MYT1L: variants seen among roughly 807,000 people sequenced by gnomAD.
MYT1L encodes myelin transcription factor 1-like protein.
MYT1L carries 12 observed loss-of-function variants against 126.7 expected under a neutral mutation model. The observed-to-expected ratio is 0.09, with a 90% CI of 0.06 to 0.15. MYT1L has a LOEUF of 0.15. MYT1L is among the 10% of genes least tolerant of loss of function. The pLI is 1.00. For missense variants in MYT1L, 979 were observed against 1,585.2 expected (o/e 0.62, Z 6.49); for synonymous variants, 541 against 604.2 (o/e 0.90, Z 1.53).
chr2:1,870,489 T>C lies in MYT1L; in HGVS notation c.2711+16050A>G, dbSNP rs1242953864. Among the ~76,000 whole-genome samples, 3 of 152,188 alleles carry C rather than the reference T, an allele frequency of 2.0e-5. No individual in the cohort carries two copies. In the East Asian group the frequency reaches 5.8e-4, roughly 29 times the overall value. The stretch of plus-strand genomic sequence containing the variant: ...CCATAGAGGGTCGGTCTGCTGGCAC[T>C]AGGAGCTTGTGGAAATGGCCCAGTC... On this transcript the variant is annotated intron_variant, in intron 18 of 24. Transcript: ENST00000647738.
intron 5 of MYT1L, among the ~76,000 whole-genome samples, chr2:1,983,517 C>T (rs535973605): frequency 2.6e-5 from 4 of 152,332 alleles, no homozygotes; most frequent in African/African-American, 9.6e-5. Context: ...CTAATGTGTG[C>T]ACCTGATGGT....
chr2:1,911,286 G>C (rs147279818), intron 12 of MYT1L, among the ~76,000 whole-genome samples: 8 of 152,104 alleles, frequency 5.3e-5, no homozygotes, highest in Admixed American at 2.0e-4. Context: ...AGTGAAGCTT[G>C]TAACAGTTTC....
In MYT1L at chr2:2,155,907, A is replaced by G. The variant is rs191822299; in HGVS notation, c.-304+16965T>C. On this transcript the variant is annotated intron_variant, in intron 3 of 24. Transcript: ENST00000647738. ...CATGATTTGCTGTGTGTGCAACTCC[A>G]ACCCTGTGATTCACCTCGCTAAGCC... Among the ~76,000 whole-genome samples, 376 of 152,256 alleles carry G rather than the reference A, an allele frequency of 2.5e-3. 3 individuals carry two copies. Among genetic ancestry groups the G allele is most frequent in the African/African-American group, 8.6e-3 (356 of 41,552 alleles).
chr2:1,960,986 C>A (rs2058916217), intron 8 of MYT1L, among the ~76,000 whole-genome samples: 1 of 152,252 alleles, frequency 6.6e-6, no homozygotes, highest in Non-Finnish European at 1.5e-5. Flanking sequence ...AGGCAGGGAG[C>A]CATCTCCTTG....
chr2:2,107,735 T>C (rs1192226387), intron 3 of MYT1L, among the ~76,000 whole-genome samples: 1 of 152,170 alleles, frequency 6.6e-6, no homozygotes, highest in Non-Finnish European at 1.5e-5. Flanking sequence ...TTTAATTTGT[T>C]GCTAGTTTAG....
At chr2:2,045,951 C>T (rs2068128101) in intron 4 of MYT1L, among the ~76,000 whole-genome samples, 1 of 152,136 alleles carries the variant, frequency 6.6e-6, no homozygotes, top group African/African-American at 2.4e-5. Flanking sequence ...GCTGTGGGGT[C>T]CTTAGCTCCT....
Position 1,943,299 on chromosome 2 carries a change from G to A in MYT1L, c.188C>T (p.Thr63Ile), listed in dbSNP as rs763314472. The A allele has an allele frequency of 7.0e-6, 11 of 1,572,320 alleles. No homozygotes were observed. In the Admixed American group the frequency reaches 2.1e-4, roughly 29 times the overall value. ...AGGTTCCTGGGGCTGTTTATCTTGT[G>A]TTTTTCTTTTTTTCGCCAAGGGACA... ...YGCPLAKKRK[T>I]QDKQPQEPAP... Residue 63 changes from threonine (T) to isoleucine (I), a missense_variant, in exon 9 of 25, where the codon ACA becomes ATA. By Grantham distance (89) the Thr-to-Ile change is moderately conservative. Coordinates refer to ENST00000647738, the MANE Select transcript of MYT1L (RefSeq NM_001303052.2). This position sits in a 1 kb window ranked among gnomAD's most constrained non-coding sequence, Gnocchi z 4.4.
intron 21 of MYT1L, among the ~76,000 whole-genome samples, chr2:1,817,397 CCA>C (rs1383215671): frequency 2.0e-5 from 3 of 152,196 alleles, no homozygotes; most frequent in Admixed American, 1.3e-4. Context: ...CCGGCTTTGC[CCA>C]CAGTCTCACG....
intron 2 of MYT1L, among the ~76,000 whole-genome samples, chr2:2,184,954 C>T (rs182863256): frequency 6.6e-6 from 1 of 152,288 alleles, no homozygotes; most frequent in African/African-American, 2.4e-5. Context: ...GGGTAAGCTT[C>T]GCCACCTCTC....
intron 2 of MYT1L, among the ~76,000 whole-genome samples, chr2:2,196,747 A>T (rs777010962): frequency 1.3e-5 from 2 of 151,978 alleles, no homozygotes; most frequent in Non-Finnish European, 2.9e-5. Flanking sequence ...AAAGTTATAG[A>T]CAGAATAAAG....
chr2:2,153,180 T>C (rs1056439420), intron 3 of MYT1L, among the ~76,000 whole-genome samples: 7 of 152,030 alleles, frequency 4.6e-5, no homozygotes, highest in African/African-American at 1.7e-4. Flanking sequence ...GTGCCTATAG[T>C]CCCAGCTGCT....
At chr2:2,169,570 C>G (rs1003608481) in intron 3 of MYT1L, among the ~76,000 whole-genome samples, 2 of 152,114 alleles carry the variant, frequency 1.3e-5, no homozygotes, top group African/African-American at 4.8e-5. Context: ...GCATACAGTC[C>G]CCTGCAACCG....
chr2:1,873,111 G>A (rs1037198384), intron 18 of MYT1L, among the ~76,000 whole-genome samples: 8 of 152,110 alleles, frequency 5.3e-5, no homozygotes, highest in Non-Finnish European at 1.0e-4. Context: ...GAGAGGGTCC[G>A]CTCTCCAGGG....
intron 2 of MYT1L, among the ~76,000 whole-genome samples, chr2:2,177,289 C>A (rs1385948605): frequency 6.6e-6 from 1 of 152,202 alleles, no homozygotes; most frequent in Admixed American, 6.5e-5. Flanking sequence ...TGCATAGATA[C>A]CTGCATAAAA....
rs1228778090 is a variant in MYT1L, at chr2:2,054,007, T to C, written c.-187A>G. On this transcript the variant is annotated 5_prime_UTR_variant, in exon 4 of 25. Transcript: ENST00000647738. ...AGGTGGCTCCTCGGATATCCATACGTCTGTGAGACCAACTGGAACCTTTCT... is the reference window on the plus strand; with the variant it reads ...AGGTGGCTCCTCGGATATCCATACGCCTGTGAGACCAACTGGAACCTTTCT... 2.0e-5 allele frequency: 3 copies of C among 152,690 alleles called. No individual in the cohort carries two copies. 9.5% of individuals were successfully genotyped at this position (152,690 alleles called of 1,614,324 possible). A position where few individuals can be genotyped will look rare whatever the true frequency, so the allele number is the denominator to read the frequency against.
chr2:1,820,465 G>C (rs1283787385), intron 21 of MYT1L, among the ~76,000 whole-genome samples: 1 of 152,176 alleles, frequency 6.6e-6, no homozygotes, highest in Non-Finnish European at 1.5e-5. Flanking sequence ...GCATCCAGTT[G>C]TTTAATCAAA....
intron 18 of MYT1L, among the ~76,000 whole-genome samples, chr2:1,863,074 A>G (rs1298856870): frequency 6.6e-6 from 1 of 152,126 alleles, no homozygotes; most frequent in Non-Finnish European, 1.5e-5. Flanking sequence ...TCCAGATGTG[A>G]GATGCTGGGC....
intron 1 of MYT1L, among the ~76,000 whole-genome samples, chr2:2,294,028 G>A (rs2095637530): frequency 2.0e-5 from 3 of 152,240 alleles, no homozygotes; most frequent in South Asian, 4.1e-4. Context: ...AAAAAGTAGT[G>A]GGGTGAATAC....
intron 3 of MYT1L, among the ~76,000 whole-genome samples, chr2:2,062,374 G>T (rs527475655): frequency 6.6e-6 from 1 of 152,172 alleles, no homozygotes; most frequent in Non-Finnish European, 1.5e-5. Flanking sequence ...TCAATTTGGT[G>T]TTCTGTGTAA....
Sources: allele counts gnomAD v4.1 joint callset (sites outside exome capture counted in the v4.1 genomes callset), GRCh38; gene constraint gnomAD v4.1.1; non-coding constraint Gnocchi (gnomAD v3.1); transcripts MANE v1.5; gene names NCBI Gene and HGNC (gene_info 2026-07-23, HGNC 2026-07-21).